Variants in GAP43 observed in about 807,000 individuals in gnomAD.
GAP43 encodes the protein neuromodulin.
In GAP43, 6 loss-of-function variants were observed where a neutral mutation model predicts 18.6. That is an observed-to-expected ratio of 0.32 (90% CI 0.18 to 0.64). The LOEUF is 0.64. Among genes scored for constraint, GAP43 ranks in the 30% least tolerant of loss-of-function variants. The pLI is 0.78. For synonymous variants in GAP43, 115 were observed against 111.4 expected (o/e 1.03, Z -0.20); for missense variants, 292 against 295.5 (o/e 0.99, Z 0.09).
chr3:115,625,993 A>T (rs1181616195), intron 1 of GAP43, among the ~76,000 whole-genome samples: 1 of 152,246 alleles, frequency 6.6e-6, no homozygotes, highest in Admixed American at 6.5e-5. Context: ...CATGTCTCTT[A>T]TAAACCACTG....
At chr3:115,663,717 T>C (rs1359547659) in intron 1 of GAP43, 3 of 1,515,886 alleles carry the variant, frequency 2.0e-6, no homozygotes, top group African/African-American at 2.8e-5. Flanking sequence ...AAAATTGGAC[T>C]GACAGCTCTA....
intron 1 of GAP43, among the ~76,000 whole-genome samples, chr3:115,662,589 G>A (rs1332825308): frequency 2.0e-5 from 3 of 152,238 alleles, no homozygotes; most frequent in African/African-American, 4.8e-5. Flanking sequence ...CAGTAATATG[G>A]GAAATTCTTG....
chr3:115,694,845 A>T (rs987816477), intron 2 of GAP43, among the ~76,000 whole-genome samples: 1 of 152,272 alleles, frequency 6.6e-6, no homozygotes, highest in Non-Finnish European at 1.5e-5. Flanking sequence ...AATAATTGCT[A>T]TTCATGTCAT....
chr3:115,719,448 C>A (rs11925261), intron 2 of GAP43, among the ~76,000 whole-genome samples: 24,698 of 152,066 alleles, frequency 0.16, 2,177 homozygotes, highest in South Asian at 0.26. Context: ...GTGGTTTATG[C>A]TGAACATCTA....
chr3:115,689,354 C>T (rs1262889257), intron 2 of GAP43, among the ~76,000 whole-genome samples: 1 of 152,220 alleles, frequency 6.6e-6, no homozygotes, highest in African/African-American at 2.4e-5. Flanking sequence ...CAGAATAGAG[C>T]ACAGCACATA....
At position 115,663,251 on chromosome 3, in the gene GAP43, C is replaced by T. The variant is rs375663058; in HGVS notation, c.31-12762C>T. On this transcript the variant is annotated intron_variant, in intron 1 of 2. Transcript: ENST00000305124. Reference sequence around the variant, plus strand: ...ACTACAATTGTGAAAAAAAGGAACACGAATAGTTGGTTCAAGTAAAAAGCA... The same window carrying T: ...ACTACAATTGTGAAAAAAAGGAACATGAATAGTTGGTTCAAGTAAAAAGCA... 5.4e-4 allele frequency among the ~76,000 whole-genome samples: 82 copies of T among 152,256 alleles called. 2 individuals are homozygous for T. In the South Asian group the frequency reaches 0.015, roughly 28 times the overall value.
chr3:115,715,301 G>A (rs535329615), intron 2 of GAP43, among the ~76,000 whole-genome samples: 5 of 152,158 alleles, frequency 3.3e-5, no homozygotes, highest in Admixed American at 6.6e-5. Context: ...GAGGCAAACT[G>A]AAAAAGAACA....
At chr3:115,700,338 TG>T (rs1310887259) in intron 2 of GAP43, among the ~76,000 whole-genome samples, 1 of 152,166 alleles carries the variant, frequency 6.6e-6, no homozygotes, top group African/African-American at 2.4e-5. Flanking sequence ...TCTTCCTAGA[TG>T]ATATTTATTG....
At chr3:115,664,849 A>G (rs189688324) in intron 1 of GAP43, among the ~76,000 whole-genome samples, 82 of 152,360 alleles carry the variant, frequency 5.4e-4, no homozygotes, top group Middle Eastern at 3.4e-3. Flanking sequence ...TGCATGCTCA[A>G]ACCACATGCC....
At chr3:115,639,999 T>C (rs1708376508) in intron 1 of GAP43, among the ~76,000 whole-genome samples, 1 of 151,966 alleles carries the variant, frequency 6.6e-6, no homozygotes, top group African/African-American at 2.4e-5. Flanking sequence ...CTCTTTGGGG[T>C]CTAGATGGGA....
intron 2 of GAP43, among the ~76,000 whole-genome samples, chr3:115,686,042 A>G (rs1160311586): frequency 6.6e-6 from 1 of 152,238 alleles, no homozygotes; most frequent in Non-Finnish European, 1.5e-5. Context: ...GCCAATTTCT[A>G]TGGTATAAAT....
At chr3:115,707,862 T>G (rs1255864236) in intron 2 of GAP43, among the ~76,000 whole-genome samples, 1 of 152,040 alleles carries the variant, frequency 6.6e-6, no homozygotes, top group East Asian at 1.9e-4. Flanking sequence ...TTTACAAACT[T>G]TTGCTATTTC....
chr3:115,672,984 A>C (rs1056209466), intron 1 of GAP43, among the ~76,000 whole-genome samples: 1 of 152,052 alleles, frequency 6.6e-6, no homozygotes, highest in Non-Finnish European at 1.5e-5. Context: ...CCTGGCTCTT[A>C]TAAGACTGTC....
At position 115,711,763 on chromosome 3, in the gene GAP43, T is replaced by A. The variant is rs75294502; in HGVS notation, c.629-9031T>A. ...CACAGATTCCACTGCCAGCTCAGCA[T>A]GTAATTTAGCTGGGAGCAGGGATGA... On this transcript the variant is annotated intron_variant, in intron 2 of 2. Transcript: ENST00000305124. 9.9e-3 allele frequency among the ~76,000 whole-genome samples: 1,501 copies of A among 151,718 alleles called. 25 individuals carry two copies. The highest frequency in any genetic ancestry group is 0.035 in the African/African-American group (1,448 of 41,376).
At chr3:115,708,016 TATATATATACACACACACAC>T (rs1559806939) in intron 2 of GAP43, among the ~76,000 whole-genome samples, 5 of 30,982 alleles carry the variant, frequency 1.6e-4, no homozygotes, top group Non-Finnish European at 4.4e-4. Flanking sequence ...CACACACACA[TATATATATACACACACACAC>T]ATATATACCA....
At chr3:115,719,673 T>C (rs1319143114) in intron 2 of GAP43, among the ~76,000 whole-genome samples, 1 of 152,246 alleles carries the variant, frequency 6.6e-6, no homozygotes, top group Non-Finnish European at 1.5e-5. Context: ...ACTTTGCCCA[T>C]GCGCAACTTT....
rs71141831 is a variant in GAP43 at position 115,652,356 on chromosome 3, C to CTTTTTTTTTTTTTTTTTTTTTT, written c.31-23649_31-23628dup. Reference sequence around the variant, plus strand: ...TTCCTGATGATTCTTATCCAGCATTCTTTTTTTTTTTTTTTTTTTTTTTTT... The same window carrying CTTTTTTTTTTTTTTTTTTTTTT: ...TTCCTGATGATTCTTATCCAGCATTCTTTTTTTTTTTTTTTTTTTTTTTTTTTTTTTTTTTTTTTTTTTTTTT... On this transcript the variant is annotated intron_variant, in intron 1 of 2. Coordinates refer to ENST00000305124, the MANE Select transcript of GAP43 (RefSeq NM_002045.4). Among the ~76,000 whole-genome samples the CTTTTTTTTTTTTTTTTTTTTTT allele has an allele frequency of 5.9e-4, 26 of 43,810 alleles. 7 individuals carry two copies. Among genetic ancestry groups the CTTTTTTTTTTTTTTTTTTTTTT allele is most frequent in the East Asian group, 1.8e-3 (2 of 1,104 alleles). The allele number at this position is 43,810 out of a possible 152,430, so 28.7% of individuals were successfully genotyped here. A position where few individuals can be genotyped will look rare whatever the true frequency, so the allele number is the denominator to read the frequency against.
At chr3:115,683,373 T>A (rs1444064531) in intron 2 of GAP43, among the ~76,000 whole-genome samples, 2 of 152,170 alleles carry the variant, frequency 1.3e-5, no homozygotes, top group Non-Finnish European at 2.9e-5. Context: ...GAGTCAATTC[T>A]AAGAAAGTTT....
At chr3:115,689,441 G>A (rs536434868) in intron 2 of GAP43, among the ~76,000 whole-genome samples, 1 of 152,166 alleles carries the variant, frequency 6.6e-6, no homozygotes, top group Non-Finnish European at 1.5e-5. Context: ...TTCATAAACA[G>A]CTTGAAAGGG....
Sources: gnomAD v4.1 joint callset for allele counts (sites outside exome capture counted in the v4.1 genomes callset) on GRCh38, gnomAD v4.1.1 for gene constraint, MANE v1.5 for transcripts, NCBI Gene and HGNC (gene_info 2026-07-23, HGNC 2026-07-21) for gene names.